Variants in PFKFB3 observed in about 807,000 individuals in gnomAD.
PFKFB3 encodes the protein 6-phosphofructo-2-kinase/fructose-2,6-biphosphatase 3, also known as 6-phosphofructo-2-kinase/fructose-2,6-bisphosphatase 3.
PFKFB3 carries 33 observed loss-of-function variants against 68.0 expected under a neutral mutation model. The ratio of observed to expected loss-of-function variants is 0.49; its 90% CI spans 0.37 to 0.65. The LOEUF (loss-of-function observed/expected upper bound fraction) is 0.65. Among genes scored for constraint, PFKFB3 ranks in the 30% least tolerant of loss-of-function variants. The pLI is 0.00. For synonymous variants in PFKFB3, 315 were observed against 288.2 expected (o/e 1.09, Z -0.94); for missense variants, 586 against 712.2 (o/e 0.82, Z 2.02).
chr10:6,236,144 T>A (rs1330552033), downstream of PFKFB3, among the ~76,000 whole-genome samples: 1 of 152,216 alleles, frequency 6.6e-6, no homozygotes, highest in Non-Finnish European at 1.5e-5. Context: ...TCATTGGCAC[T>A]ACAGAAGGTA....
At chr10:6,292,297 T>G in the PFKFB3 span, among the ~76,000 whole-genome samples, 1 of 120,684 alleles carries the variant, frequency 8.3e-6, no homozygotes, top group South Asian at 3.0e-4. Flanking sequence ...TTTTTTTTTT[T>G]TTTTTGAGAC....
intron 14 of PFKFB3, among the ~76,000 whole-genome samples, chr10:6,243,560 G>A (rs1357742229): frequency 3.9e-5 from 6 of 152,140 alleles, no homozygotes; most frequent in Non-Finnish European, 7.4e-5. Context: ...TTCCTGCAAC[G>A]CTCCCCATAG....
intron 1 of PFKFB3, among the ~76,000 whole-genome samples, chr10:6,173,480 T>G (rs1207079535): frequency 6.6e-6 from 1 of 152,170 alleles, no homozygotes; most frequent in Non-Finnish European, 1.5e-5. Context: ...AGATACAAAC[T>G]TAAAGAGGCC....
chr10:6,168,744 C>T (rs181222132), intron 1 of PFKFB3, among the ~76,000 whole-genome samples: 134 of 152,036 alleles, frequency 8.8e-4, no homozygotes, highest in Non-Finnish European at 1.5e-3. Context: ...TCGCAGGTGC[C>T]GAGTGTATTT....
intron 1 of PFKFB3, among the ~76,000 whole-genome samples, chr10:6,181,847 T>C (rs1842722768): frequency 6.8e-6 from 1 of 148,076 alleles, no homozygotes; most frequent in Non-Finnish European, 1.5e-5. Context: ...TCCACTCATA[T>C]GCGATCTCTA....
At chr10:6,288,414 T>C in the PFKFB3 span, among the ~76,000 whole-genome samples, 2 of 141,542 alleles carry the variant, frequency 1.4e-5, no homozygotes, top group African/African-American at 5.3e-5. Context: ...CCATGTGTTC[T>C]CATTGTTCAA....
chr10:6,230,098 C>T (rs779828667), intron 14 of PFKFB3, among the ~76,000 whole-genome samples: 1 of 152,166 alleles, frequency 6.6e-6, no homozygotes, highest in South Asian at 2.1e-4. Flanking sequence ...TAGTCCCCCA[C>T]CCGCTAAAGC....
chr10:6,241,928 C>T (rs1044086617), intron 14 of PFKFB3, among the ~76,000 whole-genome samples: 1 of 151,476 alleles, frequency 6.6e-6, no homozygotes, highest in Non-Finnish European at 1.5e-5. Flanking sequence ...TGACTGCAGC[C>T]TCTAACACCT....
intron 1 of PFKFB3, among the ~76,000 whole-genome samples, chr10:6,211,555 C>T (rs764756482): frequency 4.6e-5 from 7 of 152,176 alleles, no homozygotes; most frequent in Admixed American, 6.5e-5. Flanking sequence ...ACCCTGGGCA[C>T]GGTGGGGTGT....
At chr10:6,272,121 G>A in the PFKFB3 span, among the ~76,000 whole-genome samples, 1 of 152,354 alleles carries the variant, frequency 6.6e-6, no homozygotes. Flanking sequence ...CATTGTGCAT[G>A]TATGTTGTAT....
the PFKFB3 span, chr10:6,294,057 G>A: frequency 7.1e-5 from 36 of 508,616 alleles, no homozygotes; most frequent in East Asian, 4.9e-4. Context: ...TGTATAGTTC[G>A]TACTGGAAGG....
the PFKFB3 span, among the ~76,000 whole-genome samples, chr10:6,268,871 A>C: frequency 6.6e-6 from 1 of 151,520 alleles, no homozygotes; most frequent in Non-Finnish European, 1.5e-5. Context: ...AAAATACAAA[A>C]AACTAGCTGG....
intron 1 of PFKFB3, among the ~76,000 whole-genome samples, chr10:6,164,366 C>A (rs1452941886): frequency 6.6e-6 from 1 of 152,074 alleles, no homozygotes. Flanking sequence ...AGTGAGTGAG[C>A]GGGTGAAGGG....
upstream of PFKFB3, among the ~76,000 whole-genome samples, chr10:6,201,806 AC>A (rs1489522893): frequency 2.0e-5 from 3 of 150,698 alleles, no homozygotes; most frequent in Non-Finnish European, 3.0e-5. The surrounding 1 kb of genome is among the most constrained non-coding windows in gnomAD (Gnocchi z 4.1). Flanking sequence ...TGCAAAAGTT[AC>A]ATCCGTCCCG....
chr10:6,326,601 C>G, the PFKFB3 span: 1 of 452,084 alleles, frequency 2.2e-6, no homozygotes, highest in Non-Finnish European at 4.4e-6. Context: ...CTCCGTTGCC[C>G]CGACGAGGAA....
chr10:6,222,086 GC>G (rs1025186093), intron 10 of PFKFB3, among the ~76,000 whole-genome samples: 2 of 152,116 alleles, frequency 1.3e-5, no homozygotes, highest in African/African-American at 4.8e-5. Flanking sequence ...CGTGCACGGT[GC>G]CCGGGTGGCT....
chr10:6,159,069 G>A (rs1358791089), intron 1 of PFKFB3, among the ~76,000 whole-genome samples: 1 of 152,090 alleles, frequency 6.6e-6, no homozygotes, highest in Non-Finnish European at 1.5e-5. Flanking sequence ...CAAATAGACA[G>A]CAACTCTCAA....
At chr10:6,177,869 G>A (rs1467126494) in intron 1 of PFKFB3, among the ~76,000 whole-genome samples, 1 of 152,180 alleles carries the variant, frequency 6.6e-6, no homozygotes. Context: ...GGGAAATGGT[G>A]TACACCACTG....
intron 1 of PFKFB3, among the ~76,000 whole-genome samples, chr10:6,164,285 G>A (rs957277718): frequency 1.3e-5 from 2 of 152,202 alleles, no homozygotes; most frequent in Admixed American, 6.5e-5. Context: ...ACTCCCTGAG[G>A]ACCTCGTATG....
Sources: gnomAD v4.1 joint callset for allele counts (sites outside exome capture counted in the v4.1 genomes callset) on GRCh38, gnomAD v4.1.1 for gene constraint, Gnocchi (gnomAD v3.1) non-coding constraint, MANE v1.5 for transcripts, NCBI Gene and HGNC (gene_info 2026-07-23, HGNC 2026-07-21) for gene names.